The following CREB5 variants were observed in gnomAD, a reference collection of about 807,000 sequenced individuals.
CREB5 encodes the protein cAMP responsive element binding protein 5, also known as cyclic AMP-responsive element-binding protein 5.
Under a neutral mutation model 57.1 loss-of-function variants are expected in CREB5, and 19 were observed. That is an observed-to-expected ratio of 0.33 (90% CI 0.23 to 0.49). CREB5 has a LOEUF of 0.49. Among genes scored for constraint, CREB5 ranks in the 20% least tolerant of loss-of-function variants. The pLI, the probability that CREB5 is intolerant of heterozygous loss-of-function variation, is 0.99. For synonymous variants in CREB5, 238 were observed against 238.3 expected (o/e 1.00, Z 0.01); for missense variants, 579 against 671.6 (o/e 0.86, Z 1.52).
chr7:28,537,872 T>C (rs993105884), intron 4 of CREB5, among the ~76,000 whole-genome samples: 1 of 152,202 alleles, frequency 6.6e-6, no homozygotes, highest in African/African-American at 2.4e-5. Flanking sequence ...ACATACATAC[T>C]AGCCTTACTC....
intron 1 of CREB5, among the ~76,000 whole-genome samples, chr7:28,478,714 T>G (rs1791189448): frequency 6.6e-6 from 1 of 152,226 alleles, no homozygotes; most frequent in Non-Finnish European, 1.5e-5. Context: ...CAACTCTTTC[T>G]TTTGCTACTG....
At position 28,391,842 on chromosome 7, in the gene CREB5, T is replaced by C. The variant is rs935275625; in HGVS notation, c.-25+92401T>C. ...TAATAAGCAGCTATTTTATTTGCTG[T>C]TTTGGGGTCTGCTTCCCACTAGCCT... On this transcript the variant is annotated intron_variant, in intron 1 of 9. Transcript: ENST00000396299. Among the ~76,000 whole-genome samples the C allele has an allele frequency of 8.5e-5, 13 of 152,214 alleles. No individual in the cohort carries two copies. The East Asian group carries it at 2.3e-3, about 27-fold the overall frequency.
intron 1 of CREB5, among the ~76,000 whole-genome samples, chr7:28,318,227 A>G (rs117900705): frequency 0.02 from 3,081 of 152,280 alleles, 70 homozygotes; most frequent in Admixed American, 0.056. Context: ...TCATTCCCTC[A>G]GTTCAGATTA....
chr7:28,668,121 C>G (rs758707313), intron 5 of CREB5, among the ~76,000 whole-genome samples: 5 of 152,106 alleles, frequency 3.3e-5, no homozygotes, highest in Non-Finnish European at 7.4e-5. Context: ...CTTATAAACT[C>G]TACTTGTTTC....
chr7:28,607,948 A>G (rs1320089567), intron 5 of CREB5, among the ~76,000 whole-genome samples: 1 of 152,098 alleles, frequency 6.6e-6, no homozygotes, highest in Non-Finnish European at 1.5e-5. Context: ...CTTCGAAACA[A>G]ACACTGAACA....
chr7:28,661,318 G>T (rs1404438617), intron 5 of CREB5, among the ~76,000 whole-genome samples: 1 of 152,238 alleles, frequency 6.6e-6, no homozygotes, highest in Non-Finnish European at 1.5e-5. Flanking sequence ...TTTATCACTT[G>T]TATGTGTCAC....
intron 5 of CREB5, among the ~76,000 whole-genome samples, chr7:28,679,091 T>C (rs1800469179): frequency 7.4e-6 from 1 of 135,472 alleles, no homozygotes; most frequent in Admixed American, 8.2e-5. Flanking sequence ...GTTTTAACAA[T>C]GAAAACAGCC....
chr7:28,471,835 T>C (rs1257910026), intron 1 of CREB5, among the ~76,000 whole-genome samples: 3 of 152,096 alleles, frequency 2.0e-5, no homozygotes, highest in African/African-American at 4.8e-5. Context: ...ATAGAAAAAA[T>C]ATAAAATATA....
chr7:28,389,825 C>G (rs1474621675), intron 1 of CREB5, among the ~76,000 whole-genome samples: 4 of 152,108 alleles, frequency 2.6e-5, no homozygotes, highest in Non-Finnish European at 5.9e-5. Flanking sequence ...TCCCCTCCCC[C>G]TTGTATTATT....
chr7:28,520,612 G>A (rs953055257), intron 4 of CREB5, among the ~76,000 whole-genome samples: 8 of 152,168 alleles, frequency 5.3e-5, no homozygotes, highest in Non-Finnish European at 8.8e-5. Flanking sequence ...CAGCAATGCC[G>A]AGCTCTGTGG....
At chr7:28,532,021 C>T (rs925827659) in intron 4 of CREB5, among the ~76,000 whole-genome samples, 1 of 152,158 alleles carries the variant, frequency 6.6e-6, no homozygotes, top group African/African-American at 2.4e-5. Context: ...GAGCAAGACT[C>T]CGTCTCAAAA....
chr7:28,408,003 A>G (rs1787623131), upstream of CREB5, among the ~76,000 whole-genome samples: 1 of 152,236 alleles, frequency 6.6e-6, no homozygotes, highest in Non-Finnish European at 1.5e-5. Flanking sequence ...GCAAAGCTCC[A>G]TCTCCCAGCC....
At chr7:28,692,536 T>TA (rs1425329168) in intron 5 of CREB5, among the ~76,000 whole-genome samples, 1 of 152,220 alleles carries the variant, frequency 6.6e-6, no homozygotes, top group African/African-American at 2.4e-5. Flanking sequence ...CTCTTCTACT[T>TA]ACTGGTTGTG....
chr7:28,335,989 T>C (rs1393145439), intron 1 of CREB5, among the ~76,000 whole-genome samples: 1 of 152,198 alleles, frequency 6.6e-6, no homozygotes, highest in Non-Finnish European at 1.5e-5. Flanking sequence ...GTTGATATGA[T>C]GTATCATGTT....
chr7:28,789,328 CTG>C lies in CREB5; in HGVS notation c.703-14868_703-14867del, dbSNP rs1288411638. On this transcript the variant is annotated intron_variant, in intron 7 of 10. Transcript: ENST00000357727. ...TTCCGAAATGAACAAAGTTGATTTA[CTG>C]TGAGAGTGTTCGCCTCTTAGCTGGG... Among the ~76,000 whole-genome samples, 3 of 152,206 alleles carry C rather than the reference CTG, an allele frequency of 2.0e-5. No individual in the cohort carries two copies. In the East Asian group the frequency reaches 5.8e-4, roughly 29 times the overall value.
At chr7:28,694,748 T>G (rs10270648) in intron 5 of CREB5, among the ~76,000 whole-genome samples, 29,652 of 152,016 alleles carry the variant, frequency 0.2, 3,650 homozygotes, top group East Asian at 0.7. Context: ...GGTATCCCTA[T>G]GTAGCCCAGG....
intron 1 of CREB5, among the ~76,000 whole-genome samples, chr7:28,485,966 C>T (rs1027564404): frequency 6.6e-6 from 1 of 152,024 alleles, no homozygotes; most frequent in African/African-American, 2.4e-5. Flanking sequence ...CAACACTCCC[C>T]AGACAAGGGC....
chr7:28,637,367 T>A (rs1286491600), intron 5 of CREB5, among the ~76,000 whole-genome samples: 1 of 152,158 alleles, frequency 6.6e-6, no homozygotes, highest in Non-Finnish European at 1.5e-5. Flanking sequence ...GGGCTTTTTA[T>A]GTAGAAGTCA....
intron 1 of CREB5, among the ~76,000 whole-genome samples, chr7:28,464,204 T>C (rs1315370265): frequency 6.6e-6 from 1 of 152,178 alleles, no homozygotes; most frequent in African/African-American, 2.4e-5. Context: ...ATATAATCCT[T>C]TTTATATGTT....
Sources: gnomAD v4.1 joint callset for allele counts (sites outside exome capture counted in the v4.1 genomes callset) on GRCh38, gnomAD v4.1.1 for gene constraint, MANE v1.5 for transcripts, NCBI Gene and HGNC (gene_info 2026-07-23, HGNC 2026-07-21) for gene names.